Variants in PSMB7 observed in about 807,000 individuals in gnomAD.
The protein encoded by PSMB7 is proteasome subunit beta type-7.
Under a neutral mutation model 28.1 loss-of-function variants are expected in PSMB7, and 5 were observed. That is an observed-to-expected ratio of 0.18 (90% CI 0.09 to 0.37). The LOEUF (loss-of-function observed/expected upper bound fraction) is 0.37. PSMB7 is among the 10% of genes least tolerant of loss of function. The probability of loss-of-function intolerance (pLI) is 1.00; values close to 1 mark genes in which losing one functional copy is unlikely to be tolerated. For synonymous variants in PSMB7, 122 were observed against 123.7 expected (o/e 0.99, Z 0.09); for missense variants, 275 against 346.2 (o/e 0.79, Z 1.63).
At chr9:124,367,947 A>AC (rs1830523451) in intron 6 of PSMB7, among the ~76,000 whole-genome samples, 1 of 152,132 alleles carries the variant, frequency 6.6e-6, no homozygotes, top group South Asian at 2.1e-4. Flanking sequence ...CTTTTTCTCA[A>AC]CCCCCATTTA....
chr9:124,367,765 G>A (rs1186419689), intron 6 of PSMB7, among the ~76,000 whole-genome samples: 2 of 152,056 alleles, frequency 1.3e-5, no homozygotes, highest in East Asian at 1.9e-4. Context: ...AGGATGATAC[G>A]AAGTGTCATG....
At position 124,414,866 on chromosome 9, in the gene PSMB7, C is replaced by T. The variant is rs1254108352; in HGVS notation, c.132G>A (p.Thr44=). 6.2e-7 allele frequency: 1 copy of T among 1,614,062 alleles called. No individual in the cohort carries two copies. Among genetic ancestry groups the T allele is most frequent in the Admixed American group, 1.7e-5 (1 of 59,998 alleles). Residue 44 remains threonine (T), a synonymous_variant, in exon 2 of 8, where the codon ACG becomes ACA. Coordinates refer to ENST00000259457, the MANE Select transcript of PSMB7 (RefSeq NM_002799.4). ...YKLPKVRKTG[T]TIAGVVYKDG... is the part of the protein sequence containing the mutation. The stretch of plus-strand genomic sequence containing the variant: ...CCTTATAGACCACCCCAGCGATGGT[C>T]GTGCCAGTTTTCCGGACCTTTGGAA...
chr9:124,370,125 C>G (rs779293901), intron 6 of PSMB7, among the ~76,000 whole-genome samples: 1 of 152,156 alleles, frequency 6.6e-6, no homozygotes, highest in East Asian at 1.9e-4. Context: ...AGTGGCAACA[C>G]AGATCTCTTC....
chr9:124,387,297 T>C (rs559102869), intron 5 of PSMB7, among the ~76,000 whole-genome samples: 9 of 152,112 alleles, frequency 5.9e-5, no homozygotes, highest in Admixed American at 3.9e-4. Context: ...GAAACAATAT[T>C]ACAGACAAAA....
chr9:124,361,559 A>T (rs1830465664), intron 6 of PSMB7, among the ~76,000 whole-genome samples: 1 of 152,244 alleles, frequency 6.6e-6, no homozygotes, highest in Admixed American at 6.5e-5. Context: ...TGTTTGATAA[A>T]TTATTTATAA....
intron 5 of PSMB7, among the ~76,000 whole-genome samples, chr9:124,386,856 T>C (rs1337825467): frequency 6.6e-6 from 1 of 152,242 alleles, no homozygotes; most frequent in Admixed American, 6.5e-5. Flanking sequence ...TTTTGCTCTA[T>C]TCTTTTTCCT....
intron 6 of PSMB7, among the ~76,000 whole-genome samples, chr9:124,377,036 A>C (rs1344845990): frequency 6.6e-6 from 1 of 152,222 alleles, no homozygotes; most frequent in Non-Finnish European, 1.5e-5. Flanking sequence ...TAAATTCACC[A>C]AGCCTGATGC....
intron 6 of PSMB7, among the ~76,000 whole-genome samples, chr9:124,364,298 A>C (rs1830488228): frequency 6.6e-6 from 1 of 152,120 alleles, no homozygotes; most frequent in African/African-American, 2.4e-5. Flanking sequence ...TGGCACCACC[A>C]AAGCCTGTCT....
At chr9:124,376,286 GAAAACAGCTCTCCTGT>G (rs540086294) in intron 6 of PSMB7, among the ~76,000 whole-genome samples, 207 of 151,856 alleles carry the variant, frequency 1.4e-3, no homozygotes, top group Non-Finnish European at 2.4e-3. Flanking sequence ...GCTATATGGA[GAAAACAGCTCTCCTGT>G]AAAACAGCTC....
At chr9:124,379,962 A>C (rs979222172) in intron 6 of PSMB7, among the ~76,000 whole-genome samples, 1 of 152,224 alleles carries the variant, frequency 6.6e-6, no homozygotes, top group Non-Finnish European at 1.5e-5. Flanking sequence ...AACAGAGATG[A>C]CTTCATGGCC....
At chr9:124,410,507 C>T (rs1475979368) in intron 4 of PSMB7, among the ~76,000 whole-genome samples, 1 of 152,084 alleles carries the variant, frequency 6.6e-6, no homozygotes, top group African/African-American at 2.4e-5. Context: ...AGCAAGCCAC[C>T]AGAGGGAGCT....
At chr9:124,401,473 A>G (rs1830906069) in intron 5 of PSMB7, among the ~76,000 whole-genome samples, 3 of 152,374 alleles carry the variant, frequency 2.0e-5, no homozygotes, top group Middle Eastern at 6.8e-3. Context: ...AGTGCTCCGC[A>G]CTAGTGATGC....
chr9:124,359,102 A>T (rs1368306943), intron 6 of PSMB7, among the ~76,000 whole-genome samples: 1 of 152,244 alleles, frequency 6.6e-6, no homozygotes, highest in Non-Finnish European at 1.5e-5. Context: ...TGCAAATTTT[A>T]AAATTATATA....
intron 6 of PSMB7, among the ~76,000 whole-genome samples, chr9:124,366,381 A>G (rs958314602): frequency 6.6e-5 from 10 of 152,254 alleles, no homozygotes; most frequent in Non-Finnish European, 1.5e-4. Flanking sequence ...CAACCTGGGC[A>G]AGACTCTGTC....
intron 7 of PSMB7, 97 bp from the exon 8 acceptor site, chr9:124,353,806 C>T: frequency 1.1e-6 from 1 of 894,576 alleles, no homozygotes; most frequent in South Asian, 1.4e-5. Flanking sequence ...ACGCAGTGAG[C>T]AGGCTGGACT....
chr9:124,379,448 C>A (rs9695388), intron 6 of PSMB7, among the ~76,000 whole-genome samples: 60,713 of 151,306 alleles, frequency 0.4, 12,475 homozygotes, highest in African/African-American at 0.46. Context: ...AGGGAACAAA[C>A]AAAAAAATGA....
At chr9:124,376,060 G>A (rs1447395814) in intron 6 of PSMB7, among the ~76,000 whole-genome samples, 4 of 152,168 alleles carry the variant, frequency 2.6e-5, no homozygotes, top group Admixed American at 6.5e-5. Flanking sequence ...TAAATAAGAC[G>A]GAGGACAGAA....
At position 124,405,381 on chromosome 9, in the gene PSMB7, A is replaced by G; in HGVS notation, c.447T>C (p.Thr149=). 2 of 1,614,050 alleles carry G rather than the reference A, an allele frequency of 1.2e-6. No homozygotes were observed. The highest frequency in any genetic ancestry group is 1.7e-6 in the Non-Finnish European group (2 of 1,179,908). ...AALVLGGVDV[T]GPHLYSIYPH... Reference sequence around the variant, plus strand: ...GATAGATGCTGTAGAGGTGAGGTCCAGTAACATCTACTCCCCCTAAAACTA... The same window carrying G: ...GATAGATGCTGTAGAGGTGAGGTCCGGTAACATCTACTCCCCCTAAAACTA... The change falls in exon 5 of 8, where the codon ACT becomes ACC. Residue 149 remains threonine, a synonymous_variant. Transcript: ENST00000259457.
At chr9:124,375,627 A>G (rs941672581) in intron 6 of PSMB7, among the ~76,000 whole-genome samples, 13 of 152,220 alleles carry the variant, frequency 8.5e-5, no homozygotes, top group Admixed American at 5.2e-4. Flanking sequence ...TTAAGCTGAC[A>G]CCTATTAAAG....
Sources: allele counts gnomAD v4.1 joint callset (sites outside exome capture counted in the v4.1 genomes callset), GRCh38; gene constraint gnomAD v4.1.1; transcripts MANE v1.5; gene names NCBI Gene and HGNC (gene_info 2026-07-23, HGNC 2026-07-21).